Variants in DENND2B observed in about 807,000 individuals in gnomAD.
The protein encoded by DENND2B is DENN domain containing 2B, also known as DENN domain-containing protein 2B.
A neutral mutation model predicts 116.0 loss-of-function variants in DENND2B; 32 were observed. The ratio of observed to expected loss-of-function variants is 0.28; its 90% CI spans 0.21 to 0.37. The LOEUF is 0.37. Among genes scored for constraint, DENND2B ranks in the 10% least tolerant of loss-of-function variants. The pLI is 1.00. For missense variants in DENND2B, 1,276 were observed against 1,477.7 expected, an observed-to-expected ratio of 0.86 and a Z score of 2.24; for synonymous variants, 588 against 583.9, an observed-to-expected ratio of 1.01 and a Z score of -0.10.
At chr11:8,694,340 C>G (rs916279489) in intron 19 of DENND2B, among the ~76,000 whole-genome samples, 5 of 152,180 alleles carry the variant, frequency 3.3e-5, no homozygotes, top group African/African-American at 1.2e-4. Context: ...ACGCAAGCCA[C>G]TTAACCTCTT....
chr11:8,896,088 A>G (rs2064097809), intron 1 of DENND2B, among the ~76,000 whole-genome samples: 1 of 152,188 alleles, frequency 6.6e-6, no homozygotes, highest in South Asian at 2.1e-4. Context: ...GAGTATACCC[A>G]TAATTATAAT....
At chr11:8,761,978 T>C (rs1232527307) in intron 1 of DENND2B, among the ~76,000 whole-genome samples, 1 of 152,062 alleles carries the variant, frequency 6.6e-6, no homozygotes, top group Non-Finnish European at 1.5e-5. Context: ...TAGCTTTCCC[T>C]CCAGCTCTCA....
upstream of DENND2B, among the ~76,000 whole-genome samples, chr11:8,812,449 G>A (rs984451843): frequency 5.3e-5 from 8 of 152,110 alleles, no homozygotes; most frequent in Non-Finnish European, 7.4e-5. Flanking sequence ...TGACAGGTCT[G>A]AAAGTTAGGA....
chr11:8,845,065 A>G (rs2062764947), intron 3 of DENND2B, among the ~76,000 whole-genome samples: 2 of 152,332 alleles, frequency 1.3e-5, no homozygotes, highest in Non-Finnish European at 2.9e-5. Context: ...TGTTAAAAAA[A>G]AAATTCTTCT....
At chr11:8,876,690 A>G (rs2063844577) in intron 2 of DENND2B, among the ~76,000 whole-genome samples, 4 of 152,126 alleles carry the variant, frequency 2.6e-5, no homozygotes, top group Admixed American at 2.6e-4. Context: ...CAGCCTGGCC[A>G]ACATGGTGAA....
chr11:8,698,363 T>C (rs2040836596), intron 16 of DENND2B, among the ~76,000 whole-genome samples: 1 of 152,140 alleles, frequency 6.6e-6, no homozygotes, highest in African/African-American at 2.4e-5. Flanking sequence ...TGTTTCTGTG[T>C]CCACATCACT....
intron 2 of DENND2B, among the ~76,000 whole-genome samples, chr11:8,866,424 GTC>G (rs1490059295): frequency 1.3e-5 from 2 of 152,194 alleles, no homozygotes; most frequent in African/African-American, 2.4e-5. Flanking sequence ...CATTGCCAAA[GTC>G]TCTTCTTGAG....
At chr11:8,800,283 C>A (rs1181994553) in intron 1 of DENND2B, among the ~76,000 whole-genome samples, 1 of 152,090 alleles carries the variant, frequency 6.6e-6, no homozygotes, top group Non-Finnish European at 1.5e-5. Context: ...ATTACTCCAT[C>A]AGAACACATA....
chr11:8,751,357 T>A (rs1020377502), intron 1 of DENND2B, among the ~76,000 whole-genome samples: 8 of 152,154 alleles, frequency 5.3e-5, no homozygotes, highest in African/African-American at 1.9e-4. Context: ...CAGCATGATG[T>A]GGGTGGGGCC....
upstream of DENND2B, among the ~76,000 whole-genome samples, chr11:8,814,374 C>T (rs546751066): frequency 9.0e-4 from 135 of 150,336 alleles, no homozygotes; most frequent in African/African-American, 2.9e-3. Context: ...CCAGGACCTA[C>T]AAGGCCCAGC....
chr11:8,750,512 G>C lies in DENND2B; in HGVS notation c.80+109C>G, dbSNP rs564789062. On this transcript the variant is annotated intron_variant, in intron 2 of 19. Coordinates refer to ENST00000313726, the MANE Select transcript of DENND2B (RefSeq NM_213618.2). ...GGTCAGCATGAGCTGGCCTAGACCA[G>C]TCACCTGGATGACTGTCAGTCAAGA... is the stretch of plus-strand genomic sequence containing the variant. 3.5e-5 allele frequency: 33 copies of C among 945,012 alleles called. No homozygotes were observed. In the African/African-American group the frequency reaches 5.0e-4, roughly 14 times the overall value. The allele number at this position is 945,012 out of a possible 1,614,324, so 58.5% of individuals were successfully genotyped here.
rs775356382 is a variant in DENND2B at position 8,702,839 on chromosome 11, G to A, written c.2572-119C>T. 27 of 1,288,104 alleles carry A rather than the reference G, an allele frequency of 2.1e-5. No individual in the cohort carries two copies. Among genetic ancestry groups the A allele is most frequent in the Non-Finnish European group, 2.7e-5 (25 of 935,996 alleles). The allele number at this position is 1,288,104 out of a possible 1,614,324, so 79.8% of individuals were successfully genotyped here. On this transcript the variant is annotated intron_variant, in intron 13 of 19. Coordinates refer to ENST00000313726, the MANE Select transcript of DENND2B (RefSeq NM_213618.2). This position sits in a 1 kb window ranked among gnomAD's most constrained non-coding sequence, Gnocchi z 4.6. ...CAACCTGCTCTTTTCCAGGTCTCTC[G>A]TCTACCCTGCTATGCAGTAAACCCC...
upstream of DENND2B, among the ~76,000 whole-genome samples, chr11:8,872,482 G>A (rs1439185005): frequency 3.3e-5 from 4 of 120,520 alleles, no homozygotes; most frequent in East Asian, 2.3e-4. Flanking sequence ...GTGAGACTCC[G>A]TCTAAAAAAA....
chr11:8,893,591 T>C (rs894759289), intron 1 of DENND2B, among the ~76,000 whole-genome samples: 5 of 152,164 alleles, frequency 3.3e-5, no homozygotes, highest in African/African-American at 9.7e-5. Flanking sequence ...ACAGCATTCT[T>C]ATACACCAAT....
At chr11:8,815,419 G>T (rs2061535121), upstream of DENND2B, among the ~76,000 whole-genome samples, 1 of 152,082 alleles carries the variant, frequency 6.6e-6, no homozygotes, top group South Asian at 2.1e-4. Flanking sequence ...ACCCAAATCT[G>T]AAATCCTCTG....
rs149402828 is a variant in DENND2B, at chr11:8,707,189, C to T, written c.2467G>A (p.Ala823Thr). ...DEVERRRGIS[A>T]ALVYPFMRSL... Reference sequence around the variant, plus strand: ...CTCATGAAAGGATAGACCAATGCAGCGGAGATCCCACGCCGGCGCTCCACC... The same window carrying T: ...CTCATGAAAGGATAGACCAATGCAGTGGAGATCCCACGCCGGCGCTCCACC... Residue 823 changes from alanine (A) to threonine (T), a missense_variant, in exon 13 of 20, where the codon GCT (alanine) becomes ACT (threonine). Physicochemically the swap from Ala to Thr is moderately conservative, Grantham distance 58. Coordinates refer to ENST00000313726, the MANE Select transcript of DENND2B (RefSeq NM_213618.2). This position sits in a 1 kb window ranked among gnomAD's most constrained non-coding sequence, Gnocchi z 4.8. 1.4e-3 allele frequency: 2,221 copies of T among 1,613,506 alleles called. 39 individuals are homozygous for T. In the East Asian group the frequency reaches 0.028, roughly 20 times the overall value.
intron 1 of DENND2B, among the ~76,000 whole-genome samples, chr11:8,804,728 A>G (rs1211145598): frequency 6.6e-6 from 1 of 151,960 alleles, no homozygotes; most frequent in Non-Finnish European, 1.5e-5. Context: ...TATTTTTAGT[A>G]GAGACAGGGT....
intron 1 of DENND2B, among the ~76,000 whole-genome samples, chr11:8,752,682 C>A (rs2052764603): frequency 6.6e-6 from 1 of 152,044 alleles, no homozygotes; most frequent in Non-Finnish European, 1.5e-5. Flanking sequence ...AATGTCTGTT[C>A]ATGTACCATA....
intron 1 of DENND2B, among the ~76,000 whole-genome samples, chr11:8,782,816 A>G (rs6484425): frequency 0.65 from 96,998 of 149,088 alleles, 31,787 homozygotes; most frequent in Non-Finnish European, 0.68. Flanking sequence ...GAACCCAGGA[A>G]GCAGAGCTTG....
Sources: gnomAD v4.1 joint callset for allele counts (sites outside exome capture counted in the v4.1 genomes callset) on GRCh38, gnomAD v4.1.1 for gene constraint, Gnocchi (gnomAD v3.1) non-coding constraint, MANE v1.5 for transcripts, NCBI Gene and HGNC (gene_info 2026-07-23, HGNC 2026-07-21) for gene names.